AHCYL2: variants seen among roughly 807,000 people sequenced by gnomAD.
The protein encoded by AHCYL2 is S-adenosylhomocysteine hydrolase-like protein 2.
A neutral mutation model predicts 81.4 loss-of-function variants in AHCYL2; 28 were observed. The ratio of observed to expected loss-of-function variants is 0.34; its 90% CI spans 0.25 to 0.47. The LOEUF is 0.47. Ranked by LOEUF, AHCYL2 falls within the 20% of genes least tolerant of loss-of-function variation. AHCYL2 has a pLI of 1.00. For synonymous variants in AHCYL2, 272 were observed against 290.2 expected (o/e 0.94, Z 0.64); for missense variants, 551 against 785.1 (o/e 0.70, Z 3.56).
chr7:129,390,859 CCTTA>C (rs1186537421), intron 4 of AHCYL2, among the ~76,000 whole-genome samples: 4 of 152,146 alleles, frequency 2.6e-5, no homozygotes, highest in African/African-American at 9.7e-5. Flanking sequence ...GTGATTCCTA[CCTTA>C]CTCTCATCAG....
intron 1 of AHCYL2, among the ~76,000 whole-genome samples, chr7:129,362,626 T>A (rs762940021): frequency 9.2e-5 from 9 of 97,464 alleles, no homozygotes; most frequent in East Asian, 2.7e-4. Flanking sequence ...TTTTTTTTTA[T>A]GGTCTCAGAG....
chr7:129,250,885 T>C (rs1795225034), intron 1 of AHCYL2, among the ~76,000 whole-genome samples: 1 of 152,246 alleles, frequency 6.6e-6, no homozygotes, highest in African/African-American at 2.4e-5. Flanking sequence ...AGTTTTTGAA[T>C]TAGTCAAATT....
chr7:129,288,229 A>G (rs1796707199), intron 1 of AHCYL2, among the ~76,000 whole-genome samples: 1 of 152,096 alleles, frequency 6.6e-6, no homozygotes, highest in African/African-American at 2.4e-5. Context: ...TTTTTGTTGT[A>G]GAAATCAAGT....
chr7:129,260,833 G>C (rs1795605357), intron 1 of AHCYL2, among the ~76,000 whole-genome samples: 2 of 151,992 alleles, frequency 1.3e-5, no homozygotes, highest in African/African-American at 4.8e-5. Flanking sequence ...CTGTCACCCA[G>C]GCTGGAGTGC....
Position 129,389,650 on chromosome 7 carries a change from G to A in AHCYL2, c.636G>A (p.Met212Ile), listed in dbSNP as rs762179977. ...CCTTTTCAGAAATGCCTGCATTGAT[G>A]GCTTTGAGGAAGAGAGCTCAAGGAG... The part of the protein sequence containing the change: ...EIAEQEMPAL[M>I]ALRKRAQGEK... Residue 212 changes from methionine (M) to isoleucine (I), a missense_variant, in exon 4 of 17, where the codon ATG becomes ATA. Around this residue, in one of 2 missense-constraint regions of AHCYL2, gnomAD observed 316 missense variants for 543.1 expected, o/e 0.58. Transcript: ENST00000325006. 54 of 1,613,048 alleles carry A rather than the reference G, an allele frequency of 3.3e-5. No homozygotes were observed. Among genetic ancestry groups the A allele is most frequent in the Non-Finnish European group, 4.6e-5 (54 of 1,179,602 alleles).
At chr7:129,313,427 A>T (rs925454369) in intron 1 of AHCYL2, among the ~76,000 whole-genome samples, 3 of 152,210 alleles carry the variant, frequency 2.0e-5, no homozygotes, top group Admixed American at 1.3e-4. Flanking sequence ...TCTGGCCGTG[A>T]GTGTGGTTCA....
chr7:129,422,713 G>A lies in AHCYL2; in HGVS notation c.1462-127G>A, dbSNP rs958770639. 5.5e-6 allele frequency: 4 copies of A among 729,074 alleles called. No individual in the cohort carries two copies. In the East Asian group the frequency reaches 8.0e-5, roughly 15 times the overall value. 45.2% of individuals were successfully genotyped at this position (729,074 alleles called of 1,614,324 possible). On this transcript the variant is annotated intron_variant, in intron 12 of 16. Coordinates refer to ENST00000325006, the MANE Select transcript of AHCYL2 (RefSeq NM_015328.4). The stretch of plus-strand genomic sequence containing the variant: ...AACAGTCCTAACCAACACAGGACAG[G>A]TATTCTCCATCTGGCATGTTGGTTG...
At chr7:129,232,065 G>T (rs966833232) in intron 1 of AHCYL2, among the ~76,000 whole-genome samples, 1 of 151,952 alleles carries the variant, frequency 6.6e-6, no homozygotes, top group Non-Finnish European at 1.5e-5. Context: ...TAGGACTTTA[G>T]CCTTTCTGAA....
intron 1 of AHCYL2, among the ~76,000 whole-genome samples, chr7:129,322,800 G>C (rs1274616139): frequency 6.6e-6 from 1 of 151,962 alleles, no homozygotes. Flanking sequence ...AGGTTGCTCG[G>C]GCTGATCTCA....
intron 1 of AHCYL2, among the ~76,000 whole-genome samples, chr7:129,370,570 C>A (rs958116159): frequency 6.6e-6 from 1 of 152,068 alleles, no homozygotes; most frequent in Non-Finnish European, 1.5e-5. Context: ...TGGTGGCGGG[C>A]GCCTATAGTC....
At chr7:129,342,639 C>T (rs192203529) in intron 1 of AHCYL2, among the ~76,000 whole-genome samples, 1 of 152,202 alleles carries the variant, frequency 6.6e-6, no homozygotes, top group Admixed American at 6.5e-5. Flanking sequence ...TCACTTGCCA[C>T]CTATTTTGGG....
chr7:129,284,919 G>A (rs1013395065), intron 1 of AHCYL2, among the ~76,000 whole-genome samples: 1 of 152,092 alleles, frequency 6.6e-6, no homozygotes, highest in East Asian at 1.9e-4. Flanking sequence ...TAATTTTATA[G>A]AATTATAGCC....
chr7:129,293,995 T>G lies in AHCYL2; in HGVS notation c.363+68556T>G, dbSNP rs188227359. ...TGAAAAGTGCTTTATCTGGTTTGTT[T>G]GGTAGTAATGGAGAAAGATTATTTA... On this transcript the variant is annotated intron_variant, in intron 1 of 16. Transcript: ENST00000325006. Among the ~76,000 whole-genome samples, 3 of 151,776 alleles carry G rather than the reference T, an allele frequency of 2.0e-5. No homozygotes were observed. The East Asian group carries it at 5.8e-4, about 29-fold the overall frequency.
In AHCYL2 at chr7:129,382,310, A is replaced by T. The variant is rs141340918; in HGVS notation, c.475+2561A>T. Among the ~76,000 whole-genome samples, 882 of 152,326 alleles carry T rather than the reference A, an allele frequency of 5.8e-3. 6 individuals carry two copies. Among genetic ancestry groups the T allele is most frequent in the African/African-American group, 0.02 (835 of 41,560 alleles). ...CATTTTCAGCATATGTTATAATTTA[A>T]ATGACTAGGCTGGGCACAGTGGCTC... On this transcript the variant is annotated intron_variant, in intron 2 of 16. Coordinates refer to ENST00000325006, the MANE Select transcript of AHCYL2 (RefSeq NM_015328.4).
chr7:129,226,797 C>T (rs1393045121), intron 1 of AHCYL2, among the ~76,000 whole-genome samples: 1 of 152,080 alleles, frequency 6.6e-6, no homozygotes, highest in Non-Finnish European at 1.5e-5. Flanking sequence ...CAGCATCCTG[C>T]AGAAATGGGT....
rs114058688 is a variant in AHCYL2 at position 129,225,515 on chromosome 7, C to T, written c.363+76C>T. 1.4e-3 allele frequency: 1,996 copies of T among 1,414,272 alleles called. 22 individuals carry two copies. In the African/African-American group the frequency reaches 0.026, roughly 18 times the overall value. 87.6% of individuals were successfully genotyped at this position (1,414,272 alleles called of 1,614,324 possible). ...TGCAGATCCTCTCGGCACGGCGGCA[C>T]CACCCTCCACGCCCTCCTTTCTGAT... On this transcript the variant is annotated intron_variant, in intron 1 of 16. Transcript: ENST00000325006.
At chr7:129,369,301 T>A (rs879555405) in intron 1 of AHCYL2, among the ~76,000 whole-genome samples, 2 of 152,248 alleles carry the variant, frequency 1.3e-5, no homozygotes, top group Non-Finnish European at 2.9e-5. Flanking sequence ...GGTTTATGTT[T>A]ACAGATTTGT....
At chr7:129,400,051 G>A (rs1019881363) in intron 5 of AHCYL2, among the ~76,000 whole-genome samples, 1 of 152,040 alleles carries the variant, frequency 6.6e-6, no homozygotes, top group Non-Finnish European at 1.5e-5. Flanking sequence ...TTAAACAACT[G>A]TCATACTTTT....
At chr7:129,357,146 G>A (rs1793760791) in intron 1 of AHCYL2, among the ~76,000 whole-genome samples, 1 of 152,184 alleles carries the variant, frequency 6.6e-6, no homozygotes, top group Admixed American at 6.5e-5. Context: ...ACGGATTGGA[G>A]GATACCAAGG....
Sources: gnomAD v4.1 joint callset for allele counts (sites outside exome capture counted in the v4.1 genomes callset) on GRCh38, gnomAD v4.1.1 for gene constraint, gnomAD v4.1.1 regional missense constraint, MANE v1.5 for transcripts, NCBI Gene and HGNC (gene_info 2026-07-23, HGNC 2026-07-21) for gene names.